ZSCAN5A: variants seen among roughly 807,000 people sequenced by gnomAD.
The protein encoded by ZSCAN5A is zinc finger and SCAN domain containing 5A, also known as zinc finger and SCAN domain-containing protein 5A.
In ZSCAN5A, 12 loss-of-function variants were observed where a neutral mutation model predicts 23.7. That is an observed-to-expected ratio of 0.51 (90% CI 0.32 to 0.82). The LOEUF is 0.82. ZSCAN5A is among the 40% of genes least tolerant of loss of function. The probability of loss-of-function intolerance (pLI) is 0.03; values close to 1 mark genes in which losing one functional copy is unlikely to be tolerated. For synonymous variants in ZSCAN5A, 257 were observed against 239.9 expected (o/e 1.07, Z -0.66); for missense variants, 597 against 617.9 (o/e 0.97, Z 0.36).
intron 2 of ZSCAN5A, chr19:56,246,974 C>G (rs1007799867): frequency 3.9e-5 from 56 of 1,445,646 alleles, no homozygotes; most frequent in Non-Finnish European, 5.4e-5. Context: ...CCAGGAAAAC[C>G]TGAGATAAAT....
At chr19:56,302,587 T>C (rs1464346849) in intron 2 of ZSCAN5A, among the ~76,000 whole-genome samples, 64 of 34,354 alleles carry the variant, frequency 1.9e-3, no homozygotes, top group African/African-American at 0.012. Flanking sequence ...CTCCCCCTTT[T>C]CTTCCTCTCC....
intron 2 of ZSCAN5A, among the ~76,000 whole-genome samples, chr19:56,270,870 G>T (rs967617246): frequency 6.6e-6 from 1 of 152,164 alleles, no homozygotes; most frequent in Non-Finnish European, 1.5e-5. Flanking sequence ...AAACGATCTA[G>T]TCCTAAATGT....
intron 2 of ZSCAN5A, among the ~76,000 whole-genome samples, chr19:56,227,211 A>G (rs753306605): frequency 6.6e-6 from 1 of 152,284 alleles, no homozygotes; most frequent in Non-Finnish European, 1.5e-5. Context: ...GAGGTAGGGC[A>G]TATGAATATT....
chr19:56,282,742 C>T (rs150799933), intron 2 of ZSCAN5A, among the ~76,000 whole-genome samples: 9 of 152,326 alleles, frequency 5.9e-5, no homozygotes, highest in Admixed American at 5.2e-4. Flanking sequence ...TTTCATGGTC[C>T]GCACATGGCT....
intron 2 of ZSCAN5A, chr19:56,320,311 G>C: frequency 2.5e-6 from 1 of 400,208 alleles, no homozygotes; most frequent in Non-Finnish European, 4.8e-6. Flanking sequence ...CAGATCACCT[G>C]AGGTCAGGAG....
At chr19:56,273,378 A>G (rs955476296) in intron 2 of ZSCAN5A, among the ~76,000 whole-genome samples, 2 of 152,232 alleles carry the variant, frequency 1.3e-5, no homozygotes, top group Non-Finnish European at 2.9e-5. Flanking sequence ...GGGTCTTGCC[A>G]TAACTCTGAG....
At chr19:56,301,991 C>T in intron 2 of ZSCAN5A, 2 of 1,232,092 alleles carry the variant, frequency 1.6e-6, no homozygotes, top group Non-Finnish European at 2.0e-6. Context: ...AGGCACCACC[C>T]CATCCAGGAA....
At chr19:56,232,883 T>C (rs1291181131) in intron 2 of ZSCAN5A, among the ~76,000 whole-genome samples, 1 of 152,148 alleles carries the variant, frequency 6.6e-6, no homozygotes, top group Non-Finnish European at 1.5e-5. Flanking sequence ...AGTTTCACCA[T>C]GTTGCCCAGG....
intron 2 of ZSCAN5A, chr19:56,228,106 C>CA (rs959298584): frequency 1.1e-4 from 40 of 379,768 alleles, no homozygotes; most frequent in African/African-American, 8.3e-4. Flanking sequence ...CATAACGAGT[C>CA]AGAGTTAATC....
At chr19:56,301,194 C>G (rs1175929947) in intron 2 of ZSCAN5A, among the ~76,000 whole-genome samples, 1 of 152,178 alleles carries the variant, frequency 6.6e-6, no homozygotes, top group Non-Finnish European at 1.5e-5. Flanking sequence ...ACTGGCTACT[C>G]CATAGGCAGA....
intron 2 of ZSCAN5A, among the ~76,000 whole-genome samples, chr19:56,230,751 T>C (rs577783854): frequency 4.6e-4 from 70 of 152,244 alleles, no homozygotes; most frequent in African/African-American, 1.6e-3. Flanking sequence ...ATAAACCCTA[T>C]TGTGAATGTA....
chr19:56,258,530 C>T (rs2036890961), intron 2 of ZSCAN5A, among the ~76,000 whole-genome samples: 13 of 147,394 alleles, frequency 8.8e-5, no homozygotes, highest in Admixed American at 6.7e-4. Flanking sequence ...GGGGGGGTGA[C>T]AGACACACCT....
At chr19:56,291,400 A>G (rs538063442) in intron 2 of ZSCAN5A, among the ~76,000 whole-genome samples, 1 of 152,328 alleles carries the variant, frequency 6.6e-6, no homozygotes, top group Non-Finnish European at 1.5e-5. Context: ...GTCTCAAAGA[A>G]GCATCTCGAG....
intron 2 of ZSCAN5A, chr19:56,246,322 G>A: frequency 2.4e-6 from 1 of 414,340 alleles, no homozygotes; most frequent in East Asian, 5.3e-5. Flanking sequence ...TCAGGAAGAG[G>A]ACTTCCTGCT....
At chr19:56,309,733 C>T (rs2040913994) in intron 2 of ZSCAN5A, among the ~76,000 whole-genome samples, 2 of 152,188 alleles carry the variant, frequency 1.3e-5, no homozygotes, top group Admixed American at 6.5e-5. Flanking sequence ...CTGCGGGGCG[C>T]GCCCTCTAGT....
intron 2 of ZSCAN5A, among the ~76,000 whole-genome samples, chr19:56,236,944 T>G (rs1305301492): frequency 6.6e-6 from 1 of 152,020 alleles, no homozygotes; most frequent in Non-Finnish European, 1.5e-5. Context: ...CACTCCAGCC[T>G]CTGACGGACG....
intron 2 of ZSCAN5A, among the ~76,000 whole-genome samples, chr19:56,257,012 G>A (rs1406079192): frequency 2.0e-5 from 3 of 152,206 alleles, no homozygotes; most frequent in African/African-American, 4.8e-5. Context: ...CATGTGGGAT[G>A]TCCAGAGGTG....
rs2036199394 is a variant in ZSCAN5A at position 56,249,565 on chromosome 19, T to A, written c.-127-24392A>T. On this transcript the variant is annotated intron_variant, in intron 2 of 5. Transcript: ENST00000683990. Reference sequence around the variant, plus strand: ...GGGATTACATGAGCACGAGCCGCCATACCTGGCCTTAGATTTCATCTTAGA... The same window carrying A: ...GGGATTACATGAGCACGAGCCGCCAAACCTGGCCTTAGATTTCATCTTAGA... 2.0e-5 allele frequency among the ~76,000 whole-genome samples: 3 copies of A among 152,216 alleles called. 1 individual carries two copies. In the South Asian group the frequency reaches 6.2e-4, roughly 32 times the overall value.
intron 2 of ZSCAN5A, among the ~76,000 whole-genome samples, chr19:56,248,457 C>G (rs1184580008): frequency 6.6e-6 from 1 of 151,970 alleles, no homozygotes; most frequent in Non-Finnish European, 1.5e-5. Context: ...AGGGGTTTTG[C>G]CACGTTGCCC....
Sources: gnomAD v4.1 joint callset for allele counts (sites outside exome capture counted in the v4.1 genomes callset) on GRCh38, gnomAD v4.1.1 for gene constraint, MANE v1.5 for transcripts, NCBI Gene and HGNC (gene_info 2026-07-23, HGNC 2026-07-21) for gene names.